Variants in ADAM19 observed in about 807,000 individuals in gnomAD.
The protein encoded by ADAM19 is disintegrin and metalloproteinase domain-containing protein 19.
A neutral mutation model predicts 114.7 loss-of-function variants in ADAM19; 65 were observed. That is an observed-to-expected ratio of 0.57 (90% CI 0.46 to 0.70). The LOEUF (loss-of-function observed/expected upper bound fraction) is 0.70. Among genes scored for constraint, ADAM19 ranks in the 30% least tolerant of loss-of-function variants. ADAM19 has a pLI of 0.00. For missense variants in ADAM19, 1,063 were observed against 1,204.7 expected (o/e 0.88, Z 1.74); for synonymous variants, 466 against 460.5 (o/e 1.01, Z -0.15).
At chr5:157,495,805 T>A (rs1352397031) in intron 14 of ADAM19, among the ~76,000 whole-genome samples, 2 of 152,154 alleles carry the variant, frequency 1.3e-5, no homozygotes, top group Non-Finnish European at 2.9e-5. Context: ...GGCTAATTTT[T>A]GTATTTTTAG....
At chr5:157,557,192 G>A (rs371104375) in intron 3 of ADAM19, among the ~76,000 whole-genome samples, 20 of 152,270 alleles carry the variant, frequency 1.3e-4, no homozygotes, top group South Asian at 8.3e-4. Context: ...ACAGGCATGC[G>A]CCACTGCACC....
At position 157,534,225 on chromosome 5, in the gene ADAM19, T is replaced by C. The variant is rs189254582; in HGVS notation, c.331-3342A>G. Among the ~76,000 whole-genome samples the C allele has an allele frequency of 4.7e-3, 711 of 152,254 alleles. 9 individuals are homozygous for C. The highest frequency in any genetic ancestry group is 0.028 in the South Asian group (137 of 4,820). ...GCTCACACCTGTAACCCCAGCACTT[T>C]GGGAGGCCGAGGCAGGCAAATCACT... On this transcript the variant is annotated intron_variant, in intron 4 of 22. Transcript: ENST00000257527.
chr5:157,524,313 C>T (rs189104761), intron 5 of ADAM19, among the ~76,000 whole-genome samples: 17 of 152,370 alleles, frequency 1.1e-4, no homozygotes, highest in Admixed American at 1.0e-3. Context: ...TGGCCAGCCT[C>T]ACATGCCATT....
chr5:157,503,994 G>C (rs538740905), intron 11 of ADAM19, among the ~76,000 whole-genome samples: 2 of 152,306 alleles, frequency 1.3e-5, no homozygotes, highest in South Asian at 4.1e-4. Context: ...CCAATTAAAG[G>C]TTAAACCCTC....
intron 4 of ADAM19, among the ~76,000 whole-genome samples, chr5:157,535,937 AC>A (rs940121216): frequency 1.5e-4 from 23 of 152,076 alleles, no homozygotes; most frequent in African/African-American, 5.5e-4. Context: ...CCCCCATCCC[AC>A]CCCTGCCCCT....
At chr5:157,498,423 G>A (rs1755434946) in intron 13 of ADAM19, among the ~76,000 whole-genome samples, 1 of 152,226 alleles carries the variant, frequency 6.6e-6, no homozygotes. Flanking sequence ...CACCTGCTGT[G>A]TAACCTGTGT....
chr5:157,518,407 G>A (rs1192514442), intron 7 of ADAM19, among the ~76,000 whole-genome samples: 5 of 152,170 alleles, frequency 3.3e-5, no homozygotes, highest in African/African-American at 1.2e-4. Flanking sequence ...TCTTTGAGAC[G>A]GAGTTTCGCT....
intron 14 of ADAM19, 21 bp downstream of exon 14, chr5:157,496,873 T>C (rs1454903053): frequency 6.5e-7 from 1 of 1,527,166 alleles, no homozygotes; most frequent in Non-Finnish European, 8.8e-7. Flanking sequence ...GGGAGAGCCG[T>C]GCTCCCCAGG....
intron 21 of ADAM19, among the ~76,000 whole-genome samples, chr5:157,482,920 G>A (rs577152649): frequency 5.9e-5 from 9 of 152,142 alleles, no homozygotes; most frequent in Non-Finnish European, 8.8e-5. Flanking sequence ...CATGGATGAC[G>A]CTGGAAACTA....
At chr5:157,513,631 C>T in intron 7 of ADAM19, 126 bp from the exon 8 acceptor site, 3 of 815,314 alleles carry the variant, frequency 3.7e-6, no homozygotes, top group South Asian at 1.6e-5. Flanking sequence ...CATTTTTATG[C>T]AATTGTCTTC....
chr5:157,499,668 G>T lies in ADAM19; in HGVS notation c.1309-6C>A. 1 of 1,601,004 alleles carries T rather than the reference G, an allele frequency of 6.2e-7. No homozygotes were observed. The highest frequency in any genetic ancestry group is 8.5e-7 in the Non-Finnish European group (1 of 1,173,176). On this transcript the variant is annotated splice_region_variant and splice_polypyrimidine_tract_variant and intron_variant, in intron 12 of 22. Coordinates refer to ENST00000257527, the MANE Select transcript of ADAM19 (RefSeq NM_033274.5). ...CAGCAGGGGTTGTTACATTCCTGGG[G>T]AGGCAGTGGGGTGGGTGTGAGTGGG...
intron 13 of ADAM19, 49 bp downstream of exon 13, chr5:157,499,524 G>C (rs1209515282): frequency 3.3e-6 from 5 of 1,506,730 alleles, no homozygotes; most frequent in Non-Finnish European, 4.6e-6. Context: ...CAGTCCTGTG[G>C]TCCCACTGTC....
Position 157,491,841 on chromosome 5 carries a change from G to A in ADAM19, c.1980C>T (p.Gly660=), listed in dbSNP as rs140037727. ...GCCAGAACCCAGCACGCACCCCATG[G>A]CCATTGCACTTCTTCCCACAGCCTT... The part of the protein sequence containing the change: ...ETEGCGKKCN[G]HGVCNNNQNC... Residue 660 remains glycine (G), a synonymous_variant, in exon 17 of 23, where the codon GGC becomes GGT. Coordinates refer to ENST00000257527, the MANE Select transcript of ADAM19 (RefSeq NM_033274.5). 1 of 1,614,192 alleles carries A rather than the reference G, an allele frequency of 6.2e-7. No individual in the cohort carries two copies. Among genetic ancestry groups the A allele is most frequent in the Non-Finnish European group, 8.5e-7 (1 of 1,180,022 alleles).
chr5:157,491,834 C>A lies in ADAM19; in HGVS notation c.1986+1G>T. 1 of 1,614,230 alleles carries A rather than the reference C, an allele frequency of 6.2e-7. No homozygotes were observed. The highest frequency in any genetic ancestry group is 8.5e-7 in the Non-Finnish European group (1 of 1,180,024). On this transcript the variant is annotated splice_donor_variant, in intron 17 of 22. Transcript: ENST00000257527. LOFTEE classifies it high-confidence loss of function. ...CAGAGAAGCCAGAACCCAGCACGCA[C>A]CCCATGGCCATTGCACTTCTTCCCA...
intron 14 of ADAM19, among the ~76,000 whole-genome samples, chr5:157,495,581 A>G (rs959174321): frequency 2.6e-5 from 4 of 152,134 alleles, no homozygotes; most frequent in African/African-American, 9.7e-5. Flanking sequence ...CCTAGGTATA[A>G]TTCTGTGTGT....
chr5:157,478,698 A>G lies in ADAM19; in HGVS notation c.*2251T>C, dbSNP rs1754665628. The G allele has an allele frequency of 7.1e-6, 7 of 985,878 alleles. No individual in the cohort carries two copies. The highest frequency in any genetic ancestry group is 8.4e-6 in the Non-Finnish European group (7 of 829,942). 61.1% of individuals were successfully genotyped at this position (985,878 alleles called of 1,614,324 possible). A position where few individuals can be genotyped will look rare whatever the true frequency, so the allele number is the denominator to read the frequency against. On this transcript the variant is annotated 3_prime_UTR_variant, in exon 23 of 23. Transcript: ENST00000257527. ...GGTTGCCGAAAGTCTATCAAATTCCAAAACATTCCACCATCTTCCAGTTCA... is the reference window on the plus strand; with the variant it reads ...GGTTGCCGAAAGTCTATCAAATTCCGAAACATTCCACCATCTTCCAGTTCA...
At position 157,481,924 on chromosome 5, in the gene ADAM19, G is replaced by A. The variant is rs200156820; in HGVS notation, c.2570C>T (p.Pro857Leu). Residue 857 changes from proline (P) to leucine (L), a missense_variant, in exon 22 of 23, where the codon CCG (proline) becomes CTG (leucine). Pro to Leu is a moderately conservative substitution (Grantham distance 98). Around this residue, in one of 3 missense-constraint regions of ADAM19, gnomAD observed 424 missense variants for 445.5 expected, o/e 0.95. Coordinates refer to ENST00000257527, the MANE Select transcript of ADAM19 (RefSeq NM_033274.5). ...GTTTGCCGGGAGTGCCTTCTGGGGC[G>A]GCCGAGGCCTGGAGAAGTCCTGGAG... ...IVSQDFSRPR[P>L]PQKALPANPV... is the part of the protein sequence containing the mutation. 487 of 1,604,598 alleles carry A rather than the reference G, an allele frequency of 3.0e-4. No homozygotes were observed. The highest frequency in any genetic ancestry group is 3.2e-4 in the Non-Finnish European group (377 of 1,174,840).
At chr5:157,489,943 C>T (rs2113695078) in intron 19 of ADAM19, among the ~76,000 whole-genome samples, 1 of 152,324 alleles carries the variant, frequency 6.6e-6, no homozygotes, top group East Asian at 1.9e-4. Flanking sequence ...GCCAAGATTG[C>T]ACCACTGCAT....
chr5:157,558,819 T>C (rs1035723710), intron 3 of ADAM19, among the ~76,000 whole-genome samples: 7 of 152,362 alleles, frequency 4.6e-5, no homozygotes, highest in Middle Eastern at 3.4e-3. Context: ...CGTGTGTTGC[T>C]GAAAAATTCC....
Sources: allele counts gnomAD v4.1 joint callset (sites outside exome capture counted in the v4.1 genomes callset), GRCh38; gene constraint gnomAD v4.1.1; regional missense constraint gnomAD v4.1.1; transcripts MANE v1.5; gene names NCBI Gene and HGNC (gene_info 2026-07-23, HGNC 2026-07-21).